LMX1B: variants seen among roughly 807,000 people sequenced by gnomAD.
LMX1B encodes the protein LIM homeobox transcription factor 1 beta.
Under a neutral mutation model 51.4 loss-of-function variants are expected in LMX1B, and 12 were observed. That is an observed-to-expected ratio of 0.23 (90% confidence interval 0.15 to 0.38). The LOEUF is 0.38. Among genes scored for constraint, LMX1B ranks in the 10% least tolerant of loss-of-function variants. The pLI is 1.00. For missense variants in LMX1B, 445 were observed against 571.1 expected (o/e 0.78, Z 2.25); for synonymous variants, 237 against 235.4 (o/e 1.01, Z -0.06).
Position 126,690,972 on chromosome 9 carries a change from G to A in LMX1B, c.463G>A (p.Glu155Lys), listed in dbSNP as rs776839118. Residue 155 changes from glutamate to lysine, a missense_variant, in exon 3 of 8, where the codon GAA becomes AAA. Glu to Lys is a moderately conservative substitution (Grantham distance 56, BLOSUM62 1). This residue lies in a region of LMX1B where 273 missense variants were observed against 343.3 expected (regional missense o/e 0.80). Coordinates refer to ENST00000373474, the MANE Select transcript of LMX1B (RefSeq NM_001174147.2). ...VCERQLRKGD[E>K]FVLKEGQLLC... ...TGAACGGCAGCTACGCAAGGGCGAC[G>A]AATTCGTGCTCAAGGAGGGCCAGCT... 33 of 1,613,988 alleles carry A rather than the reference G, an allele frequency of 2.0e-5. No individual in the cohort carries two copies. The highest frequency in any genetic ancestry group is 5.0e-5 in the Admixed American group (3 of 60,002).
chr9:126,664,612 A>T (rs2118930028), intron 2 of LMX1B, among the ~76,000 whole-genome samples: 1 of 152,306 alleles, frequency 6.6e-6, no homozygotes, highest in Non-Finnish European at 1.5e-5. Flanking sequence ...GCGGTGGCTC[A>T]CGCTTGTAAT....
intron 2 of LMX1B, among the ~76,000 whole-genome samples, chr9:126,648,519 C>T (rs1050485526): frequency 3.9e-5 from 6 of 152,198 alleles, no homozygotes; most frequent in Non-Finnish European, 5.9e-5. Flanking sequence ...GGTGACTTGG[C>T]TTCTCCCAGT....
At chr9:126,667,910 G>A (rs531277827) in intron 2 of LMX1B, among the ~76,000 whole-genome samples, 9 of 152,330 alleles carry the variant, frequency 5.9e-5, no homozygotes, top group East Asian at 1.9e-4. Flanking sequence ...CGAGACACTC[G>A]GGTCTGGAAG....
intron 2 of LMX1B, among the ~76,000 whole-genome samples, chr9:126,645,116 C>T (rs146545243): frequency 6.6e-6 from 1 of 152,184 alleles, no homozygotes; most frequent in African/African-American, 2.4e-5. Context: ...GGGTTCCCCC[C>T]CTACCACCCA....
chr9:126,677,275 C>T lies in LMX1B; in HGVS notation c.327-13561C>T, dbSNP rs879328453. ...CACTTTCATATACCTCCTTTTAATT[C>T]CTGCTCCTGCCCCCTCCTCTCCGAG... is the stretch of plus-strand genomic sequence containing the variant. On this transcript the variant is annotated intron_variant, in intron 2 of 7. Transcript: ENST00000373474. This position sits in a 1 kb window ranked among gnomAD's most constrained non-coding sequence, Gnocchi z 5.0. Among the ~76,000 whole-genome samples, 1 of 152,180 alleles carries T rather than the reference C, an allele frequency of 6.6e-6. No homozygotes were observed. Among genetic ancestry groups the T allele is most frequent in the Non-Finnish European group, 1.5e-5 (1 of 68,026 alleles).
chr9:126,650,405 AG>A (rs1461808963), intron 2 of LMX1B, among the ~76,000 whole-genome samples: 1 of 152,000 alleles, frequency 6.6e-6, no homozygotes, highest in Non-Finnish European at 1.5e-5. Flanking sequence ...GGGAGCTCCG[AG>A]GGGGCAGCCT....
intron 2 of LMX1B, among the ~76,000 whole-genome samples, chr9:126,645,589 CGGA>C (rs1289549993): frequency 6.6e-6 from 1 of 152,156 alleles, no homozygotes; most frequent in Non-Finnish European, 1.5e-5. Context: ...GGAAGATCCT[CGGA>C]GGAGAAGTCA....
chr9:126,683,010 C>T (rs1218551953), intron 2 of LMX1B, among the ~76,000 whole-genome samples: 2 of 151,706 alleles, frequency 1.3e-5, no homozygotes, highest in African/African-American at 2.4e-5. Context: ...CGGCTGTGCC[C>T]GTCCCTCCCT....
rs748330972 is a variant in LMX1B at position 126,677,189 on chromosome 9, G to T, written c.327-13647G>T. Among the ~76,000 whole-genome samples, 7 of 152,162 alleles carry T rather than the reference G, an allele frequency of 4.6e-5. No homozygotes were observed. Among genetic ancestry groups the T allele is most frequent in the Non-Finnish European group, 8.8e-5 (6 of 68,020 alleles). On this transcript the variant is annotated intron_variant, in intron 2 of 7. Transcript: ENST00000373474. This position sits in a 1 kb window ranked among gnomAD's most constrained non-coding sequence, Gnocchi z 5.0. ...GGAGACCCAGGGATGTGGTCCCCCAGATTCTCTTCTCCATCCCTGGGAGAG... is the reference window on the plus strand; with the variant it reads ...GGAGACCCAGGGATGTGGTCCCCCATATTCTCTTCTCCATCCCTGGGAGAG...
chr9:126,624,658 TTTATC>T (rs1835484837), intron 2 of LMX1B, among the ~76,000 whole-genome samples: 2 of 77,250 alleles, frequency 2.6e-5, no homozygotes, highest in Non-Finnish European at 5.1e-5. Context: ...CAGGTTTTTT[TTTATC>T]TTGTTTTTTT....
At chr9:126,647,906 A>G (rs899128650) in intron 2 of LMX1B, among the ~76,000 whole-genome samples, 6 of 152,210 alleles carry the variant, frequency 3.9e-5, no homozygotes, top group African/African-American at 1.4e-4. Context: ...CTCTCTCCCC[A>G]GAGATCCGAC....
Position 126,614,562 on chromosome 9 carries a change from G to T in LMX1B, c.113G>T (p.Gly38Val). 1 of 1,569,506 alleles carries T rather than the reference G, an allele frequency of 6.4e-7. No individual in the cohort carries two copies. The highest frequency in any genetic ancestry group is 8.6e-7 in the Non-Finnish European group (1 of 1,159,668). ...IKMEEHALRP[G>V]PATLGVLLGS... ...ATGGAGGAGCACGCCCTGCGCCCCG[G>T]GCCCGCCACTCTGGGGGTGCTGCTG... is the stretch of plus-strand genomic sequence containing the variant. Residue 38 changes from glycine to valine, a missense_variant, in exon 1 of 8, where the codon GGG becomes GTG. Transcript: ENST00000373474.
intron 2 of LMX1B, among the ~76,000 whole-genome samples, chr9:126,619,040 C>T (rs1056929890): frequency 2.0e-5 from 3 of 152,186 alleles, no homozygotes; most frequent in Non-Finnish European, 4.4e-5. Flanking sequence ...TTCAGGGCTC[C>T]GCCGGGCCCG....
chr9:126,657,527 G>C (rs1306068753), intron 2 of LMX1B, among the ~76,000 whole-genome samples: 4 of 152,080 alleles, frequency 2.6e-5, no homozygotes, highest in Non-Finnish European at 4.4e-5. Context: ...GGTCAGGACT[G>C]GGGTTGGGGG....
In LMX1B at chr9:126,625,420, C is replaced by T. The variant is rs1380714156; in HGVS notation, c.326+9851C>T. On this transcript the variant is annotated intron_variant, in intron 2 of 7. Transcript: ENST00000373474. The surrounding 1 kb of genome is among the most constrained non-coding windows in gnomAD (Gnocchi z 5.3). ...GAGCACGGGTCCTGCTCTGTCCCCT[C>T]TTCCCAGGAAAGGTGGCACTCCGGG... Among the ~76,000 whole-genome samples, 1 of 152,242 alleles carries T rather than the reference C, an allele frequency of 6.6e-6. No individual in the cohort carries two copies. Among genetic ancestry groups the T allele is most frequent in the Non-Finnish European group, 1.5e-5 (1 of 68,048 alleles).
At chr9:126,675,294 G>C (rs931655451) in intron 2 of LMX1B, among the ~76,000 whole-genome samples, 2 of 152,166 alleles carry the variant, frequency 1.3e-5, no homozygotes, top group Non-Finnish European at 2.9e-5. Flanking sequence ...TGAAAGACCT[G>C]GATTGCCTCT....
At position 126,698,438 on chromosome 9, in the gene LMX1B, C is replaced by A. The variant is rs570141395; in HGVS notation, c.*1987C>A. On this transcript the variant is annotated 3_prime_UTR_variant, in exon 8 of 8. Transcript: ENST00000373474. ...CACATTCCAATTGCATTTCCTGCCC[C>A]CTTCTCCCAGGGCAATTGCAGAAGA... is the stretch of plus-strand genomic sequence containing the variant. 6.6e-6 allele frequency: 1 copy of A among 152,328 alleles called. No homozygotes were observed. Among genetic ancestry groups the A allele is most frequent in the African/African-American group, 2.4e-5 (1 of 41,468 alleles). 9.4% of individuals were successfully genotyped at this position (152,328 alleles called of 1,614,324 possible).
At chr9:126,680,578 GAAGGTACCTGGGACTAGCTCAAA>G (rs1023289811) in intron 2 of LMX1B, among the ~76,000 whole-genome samples, 10 of 152,176 alleles carry the variant, frequency 6.6e-5, no homozygotes, top group African/African-American at 9.7e-5. Flanking sequence ...GAGAATGGGG[GAAGGTACCTGGGACTAGCTCAAA>G]AAGGTACCTG....
Position 126,685,824 on chromosome 9 carries a change from C to T in LMX1B, c.327-5012C>T, listed in dbSNP as rs569284061. Among the ~76,000 whole-genome samples, 4 of 152,214 alleles carry T rather than the reference C, an allele frequency of 2.6e-5. 1 individual carries two copies. In the South Asian group the frequency reaches 8.3e-4, roughly 32 times the overall value. ...ATTGAGCCCAGCCCTGTAAGGCAGC[C>T]TCTGTCATCATCCCCATTGGACAGA... On this transcript the variant is annotated intron_variant, in intron 2 of 7. Coordinates refer to ENST00000373474, the MANE Select transcript of LMX1B (RefSeq NM_001174147.2).
Sources: allele counts gnomAD v4.1 joint callset (sites outside exome capture counted in the v4.1 genomes callset), GRCh38; gene constraint gnomAD v4.1.1; regional missense constraint gnomAD v4.1.1; non-coding constraint Gnocchi (gnomAD v3.1); transcripts MANE v1.5; gene names NCBI Gene and HGNC (gene_info 2026-07-23, HGNC 2026-07-21).